Variants in SNX18 observed in about 807,000 individuals in gnomAD.
SNX18 encodes sorting nexin-18.
SNX18 carries 35 observed loss-of-function variants against 48.7 expected under a neutral mutation model. That is an observed-to-expected ratio of 0.72 (90% CI 0.55 to 0.95). The LOEUF is 0.95. Ranked by LOEUF, SNX18 falls within the 40% of genes least tolerant of loss-of-function variation. SNX18 has a pLI of 0.00. For missense variants in SNX18, 824 were observed against 871.0 expected, an observed-to-expected ratio of 0.95 and a Z score of 0.68; for synonymous variants, 492 against 384.7, an observed-to-expected ratio of 1.28 and a Z score of -3.26.
At chr5:54,548,145 A>G (rs1762603510), downstream of SNX18, among the ~76,000 whole-genome samples, 1 of 152,168 alleles carries the variant, frequency 6.6e-6, no homozygotes, top group Non-Finnish European at 1.5e-5. Flanking sequence ...TCTCAATCCT[A>G]ACATCCCTGT....
At chr5:54,598,391 G>C in the SNX18 span, among the ~76,000 whole-genome samples, 4 of 151,968 alleles carry the variant, frequency 2.6e-5, no homozygotes, top group South Asian at 2.1e-4. Flanking sequence ...ATTCTATGAG[G>C]CCAGGCCTGA....
the SNX18 span, among the ~76,000 whole-genome samples, chr5:54,562,816 G>T: frequency 6.6e-6 from 1 of 152,198 alleles, no homozygotes; most frequent in South Asian, 2.1e-4. Flanking sequence ...GTATCCAGAA[G>T]AAGGCATTGT....
At chr5:54,595,373 C>T in the SNX18 span, among the ~76,000 whole-genome samples, 1 of 152,064 alleles carries the variant, frequency 6.6e-6, no homozygotes, top group Non-Finnish European at 1.5e-5. Context: ...GCAGCTGGGA[C>T]TACAGGCACG....
intron 1 of SNX18, 56 bp from the exon 2 acceptor site, chr5:54,543,123 G>A (rs1762503706): frequency 6.5e-7 from 1 of 1,535,388 alleles, no homozygotes; most frequent in Admixed American, 1.9e-5. Context: ...ATGTAGTTAT[G>A]TTCTTGGGAT....
At chr5:54,521,044 T>C (rs1762022405) in intron 1 of SNX18, 1 of 157,254 alleles carries the variant, frequency 6.4e-6, no homozygotes, top group Admixed American at 6.5e-5. Flanking sequence ...TATGAATCTT[T>C]GACTTTTTTG....
rs1425866756 is a variant in SNX18 at position 54,544,141 on chromosome 5, C to G, written c.*709C>G. On this transcript the variant is annotated 3_prime_UTR_variant, in exon 2 of 2. Transcript: ENST00000381410. Reference sequence around the variant, plus strand: ...CAGGGGAGTGAGATTCATTGCTCATCTTTGGATATGAAGTCTGTTAGGGAA... The same window carrying G: ...CAGGGGAGTGAGATTCATTGCTCATGTTTGGATATGAAGTCTGTTAGGGAA... The G allele has an allele frequency of 2.0e-5, 3 of 152,178 alleles. No homozygotes were observed. Among genetic ancestry groups the G allele is most frequent in the African/African-American group, 7.2e-5 (3 of 41,406 alleles). The allele number at this position is 152,178 out of a possible 1,614,324, so 9.4% of individuals were successfully genotyped here.
At chr5:54,568,887 G>A in the SNX18 span, among the ~76,000 whole-genome samples, 1 of 142,710 alleles carries the variant, frequency 7.0e-6, no homozygotes, top group Non-Finnish European at 1.5e-5. Context: ...CTGTCTCCCA[G>A]GCTGGAGTGC....
the SNX18 span, among the ~76,000 whole-genome samples, chr5:54,568,566 G>A: frequency 9.2e-5 from 14 of 152,208 alleles, no homozygotes; most frequent in African/African-American, 2.6e-4. Context: ...GTGGTTGTTC[G>A]AGCTCTGGCC....
At chr5:54,571,326 G>T in the SNX18 span, among the ~76,000 whole-genome samples, 1 of 152,140 alleles carries the variant, frequency 6.6e-6, no homozygotes, top group Middle Eastern at 3.4e-3. Flanking sequence ...GGCTTGTTGG[G>T]TTTTTTTCTT....
chr5:54,566,446 A>G, the SNX18 span, among the ~76,000 whole-genome samples: 6 of 152,238 alleles, frequency 3.9e-5, no homozygotes, highest in Non-Finnish European at 7.3e-5. Flanking sequence ...CACTGCTTCT[A>G]CTTCAGCCTG....
the SNX18 span, among the ~76,000 whole-genome samples, chr5:54,586,556 C>A: frequency 6.6e-6 from 1 of 152,166 alleles, no homozygotes; most frequent in Non-Finnish European, 1.5e-5. Context: ...GGAATATGAG[C>A]GTGCAAGACA....
the SNX18 span, among the ~76,000 whole-genome samples, chr5:54,619,445 G>A: frequency 6.6e-6 from 1 of 152,144 alleles, no homozygotes; most frequent in African/African-American, 2.4e-5. Context: ...AGGGGAGGTC[G>A]AGGCTGCCTT....
At chr5:54,591,810 A>T in the SNX18 span, among the ~76,000 whole-genome samples, 1 of 152,246 alleles carries the variant, frequency 6.6e-6, no homozygotes, top group Non-Finnish European at 1.5e-5. Flanking sequence ...AAGAGCAAAG[A>T]ATCCTGGATC....
chr5:54,615,307 CCT>C, the SNX18 span, among the ~76,000 whole-genome samples: 1 of 152,178 alleles, frequency 6.6e-6, no homozygotes. Context: ...TAGCCTGTCT[CCT>C]CTCTCACATG....
rs1580109744 is a variant in SNX18 at position 54,541,978 on chromosome 5, G to T, written c.1622-1201G>T. On this transcript the variant is annotated intron_variant, in intron 1 of 1. Coordinates refer to ENST00000381410, the MANE Select transcript of SNX18 (RefSeq NM_001102575.2). ...AGTTTCTGTACCTCCTCCTACTCAA[G>T]GTTCCTGGTTCCCTCCTCAGTAGTA... 2.0e-5 allele frequency among the ~76,000 whole-genome samples: 3 copies of T among 152,124 alleles called. No homozygotes were observed. In the East Asian group the frequency reaches 5.8e-4, roughly 29 times the overall value.
At chr5:54,533,779 A>G (rs1762296140) in intron 1 of SNX18, among the ~76,000 whole-genome samples, 1 of 152,216 alleles carries the variant, frequency 6.6e-6, no homozygotes, top group African/African-American at 2.4e-5. Context: ...CTAGTTCTCT[A>G]TTTTAAGTGG....
At chr5:54,521,902 G>A (rs1402767656) in intron 1 of SNX18, among the ~76,000 whole-genome samples, 1 of 152,028 alleles carries the variant, frequency 6.6e-6, no homozygotes, top group Non-Finnish European at 1.5e-5. Flanking sequence ...AACTGGATTT[G>A]TCTCTAGTCA....
At chr5:54,633,866 C>T in the SNX18 span, among the ~76,000 whole-genome samples, 6 of 152,326 alleles carry the variant, frequency 3.9e-5, no homozygotes, top group African/African-American at 1.4e-4. Flanking sequence ...TGCAAAGGTG[C>T]TTTGCCTTCA....
At chr5:54,588,312 T>TA in the SNX18 span, among the ~76,000 whole-genome samples, 7 of 6,584 alleles carry the variant, frequency 1.1e-3, no homozygotes, top group Admixed American at 3.2e-3. Flanking sequence ...TATTCTTTTT[T>TA]TTTTTTTTTT....
Sources: gnomAD v4.1 joint callset for allele counts (sites outside exome capture counted in the v4.1 genomes callset) on GRCh38, gnomAD v4.1.1 for gene constraint, MANE v1.5 for transcripts, NCBI Gene and HGNC (gene_info 2026-07-23, HGNC 2026-07-21) for gene names.